Variants in SCD5 observed in about 807,000 individuals in gnomAD.
SCD5 encodes stearoyl-CoA desaturase 5, also known as acyl-CoA-desaturase 4.
In SCD5, 20 loss-of-function variants were observed where a neutral mutation model predicts 30.4. That is an observed-to-expected ratio of 0.66 (90% CI 0.46 to 0.96). SCD5 has a LOEUF of 0.96. Ranked by LOEUF, SCD5 falls within the 40% of genes least tolerant of loss-of-function variation. The probability of loss-of-function intolerance (pLI) is 0.00; values close to 1 mark genes in which losing one functional copy is unlikely to be tolerated. For missense variants in SCD5, 381 were observed against 443.3 expected (o/e 0.86, Z 1.26); for synonymous variants, 173 against 176.4 (o/e 0.98, Z 0.16).
At chr4:82,756,777 C>T (rs954359498) in intron 1 of SCD5, among the ~76,000 whole-genome samples, 1 of 151,914 alleles carries the variant, frequency 6.6e-6, no homozygotes. Flanking sequence ...AACACAACAT[C>T]TCCCTCCTTG....
At position 82,796,486 on chromosome 4, in the gene SCD5, C is replaced by T. The variant is rs559041302; in HGVS notation, c.232+1820G>A. The stretch of plus-strand genomic sequence containing the variant: ...AAGGTTCTATCTTCACCACAGAGAG[C>T]GGTCCGGAAAGGGCAGAGGTGACCT... On this transcript the variant is annotated intron_variant, in intron 1 of 4. Coordinates refer to ENST00000319540, the MANE Select transcript of SCD5 (RefSeq NM_001037582.3). Among the ~76,000 whole-genome samples, 38 of 152,148 alleles carry T rather than the reference C, an allele frequency of 2.5e-4. No individual in the cohort carries two copies. The East Asian group carries it at 3.3e-3, about 13-fold the overall frequency.
At chr4:82,755,317 T>C (rs1721212046) in intron 1 of SCD5, among the ~76,000 whole-genome samples, 1 of 151,990 alleles carries the variant, frequency 6.6e-6, no homozygotes, top group African/African-American at 2.4e-5. Context: ...CTGGCCAACA[T>C]GGCAAAACCC....
At chr4:82,641,104 A>G (rs536555789) in intron 3 of SCD5, among the ~76,000 whole-genome samples, 1 of 152,104 alleles carries the variant, frequency 6.6e-6, no homozygotes, top group Non-Finnish European at 1.5e-5. Context: ...CAGAAGGTGA[A>G]CAAGGCCGGG....
At chr4:82,736,689 G>C (rs967109366) in intron 1 of SCD5, among the ~76,000 whole-genome samples, 4 of 152,012 alleles carry the variant, frequency 2.6e-5, no homozygotes, top group Non-Finnish European at 5.9e-5. Context: ...TTCTGAGACA[G>C]GGTCTTGCTC....
chr4:82,703,632 T>G (rs1006519980), intron 2 of SCD5, among the ~76,000 whole-genome samples: 1 of 152,218 alleles, frequency 6.6e-6, no homozygotes. Flanking sequence ...ATGTGGTGTT[T>G]TGTTAAGAAA....
Position 82,680,908 on chromosome 4 carries a change from T to C in SCD5, c.368A>G (p.Asp123Gly). Residue 123 changes from aspartate (D) to glycine (G), a missense_variant, in exon 3 of 5, where the codon GAC becomes GGC. By Grantham distance (94) the Asp-to-Gly change is moderately conservative. Transcript: ENST00000319540. ...AVANSMAFQN[D>G]IFEWSRDHRA... ...GTGGTCCCTGGACCACTCGAAGATGTCATTCTGCAGAGAGAATGAGAGCCT... is the reference window on the plus strand; with the variant it reads ...GTGGTCCCTGGACCACTCGAAGATGCCATTCTGCAGAGAGAATGAGAGCCT... 1 of 1,611,484 alleles carries C rather than the reference T, an allele frequency of 6.2e-7. No individual in the cohort carries two copies. The highest frequency in any genetic ancestry group is 8.5e-7 in the Non-Finnish European group (1 of 1,179,788).
chr4:82,699,621 C>T (rs1719773202), intron 2 of SCD5, among the ~76,000 whole-genome samples: 1 of 142,058 alleles, frequency 7.0e-6, no homozygotes. Context: ...GGCTGGAGTG[C>T]AATGGCCCAA....
rs540458434 is a variant in SCD5, at chr4:82,664,036, T to C, written c.569+16671A>G. 8.5e-5 allele frequency among the ~76,000 whole-genome samples: 13 copies of C among 152,260 alleles called. 1 individual carries two copies. In the South Asian group the frequency reaches 2.5e-3, roughly 29 times the overall value. On this transcript the variant is annotated intron_variant, in intron 3 of 4. Coordinates refer to ENST00000319540, the MANE Select transcript of SCD5 (RefSeq NM_001037582.3). ...AACCCTCTACTCTTATAAACAGCCA[T>C]GCACAGAGACACAAACAACAGAAGT...
chr4:82,677,074 TTATC>T (rs1324103238), intron 3 of SCD5, among the ~76,000 whole-genome samples: 1 of 152,206 alleles, frequency 6.6e-6, no homozygotes, highest in African/African-American at 2.4e-5. Context: ...CAGCAAAAGT[TTATC>T]AATCAACTGC....
chr4:82,769,041 G>A (rs1428880055), intron 1 of SCD5, among the ~76,000 whole-genome samples: 1 of 151,980 alleles, frequency 6.6e-6, no homozygotes, highest in African/African-American at 2.4e-5. Flanking sequence ...AACGGGGGCT[G>A]GAGGTTGGAG....
chr4:82,651,876 G>A (rs1394448766), intron 3 of SCD5, among the ~76,000 whole-genome samples: 1 of 152,230 alleles, frequency 6.6e-6, no homozygotes, highest in Non-Finnish European at 1.5e-5. Flanking sequence ...TTGTGCCATT[G>A]CACTTCAGCC....
chr4:82,716,987 G>T (rs1348196062), intron 1 of SCD5, among the ~76,000 whole-genome samples: 1 of 151,630 alleles, frequency 6.6e-6, no homozygotes, highest in Non-Finnish European at 1.5e-5. Context: ...ATCTAGAGAT[G>T]ATTTAAAATA....
chr4:82,657,264 T>G (rs1393726573), intron 3 of SCD5, among the ~76,000 whole-genome samples: 1 of 152,170 alleles, frequency 6.6e-6, no homozygotes, highest in Non-Finnish European at 1.5e-5. Flanking sequence ...CCATCTTGAG[T>G]TAATTTTTAT....
At chr4:82,663,315 T>C (rs908635266) in intron 3 of SCD5, among the ~76,000 whole-genome samples, 1 of 152,206 alleles carries the variant, frequency 6.6e-6, no homozygotes, top group Non-Finnish European at 1.5e-5. Context: ...AAGGTCAATA[T>C]GGGATAGCCT....
Position 82,631,245 on chromosome 4 carries a change from A to C in SCD5, c.*82T>G. ...TCCCCACCCTCTGCCCCCTCCCACG[A>C]TCCAATGTACAAGAGAGCTATTGTA... On this transcript the variant is annotated 3_prime_UTR_variant, in exon 5 of 5. Transcript: ENST00000319540. 2.4e-6 allele frequency: 3 copies of C among 1,238,166 alleles called. No homozygotes were observed. Among genetic ancestry groups the C allele is most frequent in the East Asian group, 2.5e-5 (1 of 39,972 alleles). 76.7% of individuals were successfully genotyped at this position (1,238,166 alleles called of 1,614,324 possible). A position where few individuals can be genotyped will look rare whatever the true frequency, so the allele number is the denominator to read the frequency against.
chr4:82,764,316 T>A (rs1402022134), intron 1 of SCD5, among the ~76,000 whole-genome samples: 2 of 152,224 alleles, frequency 1.3e-5, no homozygotes, highest in Non-Finnish European at 1.5e-5. Context: ...CTGATTTAGA[T>A]CATTTACATT....
chr4:82,696,125 A>T (rs1719690520), intron 2 of SCD5, among the ~76,000 whole-genome samples: 1 of 152,244 alleles, frequency 6.6e-6, no homozygotes, highest in Admixed American at 6.5e-5. Flanking sequence ...GAAATATTCA[A>T]ATGGAAGAAG....
Position 82,759,648 on chromosome 4 carries a change from T to TAAA in SCD5, c.232+38655_232+38657dup, listed in dbSNP as rs70938309. 2.6e-3 allele frequency among the ~76,000 whole-genome samples: 327 copies of TAAA among 125,564 alleles called. 5 individuals carry two copies. Among genetic ancestry groups the TAAA allele is most frequent in the Middle Eastern group, 0.021 (5 of 240 alleles). The allele number at this position is 125,564 out of a possible 152,430, so 82.4% of individuals were successfully genotyped here. A position where few individuals can be genotyped will look rare whatever the true frequency, so the allele number is the denominator to read the frequency against. On this transcript the variant is annotated intron_variant, in intron 1 of 4. Transcript: ENST00000319540. The stretch of plus-strand genomic sequence containing the variant: ...AGGCAACACAGCAAGAACCCCGTCT[T>TAAA]AAAAAAAAAAAAAAAAAAAAGTTAT...
At chr4:82,638,271 C>T (rs977426293) in intron 3 of SCD5, among the ~76,000 whole-genome samples, 2 of 152,066 alleles carry the variant, frequency 1.3e-5, no homozygotes, top group African/African-American at 2.4e-5. Flanking sequence ...GATGCCCCGC[C>T]CCCTGCCCTG....
Sources: gnomAD v4.1 joint callset for allele counts (sites outside exome capture counted in the v4.1 genomes callset) on GRCh38, gnomAD v4.1.1 for gene constraint, MANE v1.5 for transcripts, NCBI Gene and HGNC (gene_info 2026-07-23, HGNC 2026-07-21) for gene names.